DSC2: variants seen among roughly 807,000 people sequenced by gnomAD.
DSC2 encodes desmocollin 2.
DSC2 carries 51 observed loss-of-function variants against 87.6 expected under a neutral mutation model. The ratio of observed to expected loss-of-function variants is 0.58; its 90% CI spans 0.46 to 0.74. The LOEUF is 0.74. Ranked by LOEUF, DSC2 falls within the 30% of genes least tolerant of loss-of-function variation. The probability of loss-of-function intolerance (pLI) is 0.00; values close to 1 mark genes in which losing one functional copy is unlikely to be tolerated. For missense variants in DSC2, 1,066 were observed against 1,089.5 expected, an observed-to-expected ratio of 0.98 and a Z score of 0.30; for synonymous variants, 383 against 393.2, an observed-to-expected ratio of 0.97 and a Z score of 0.31.
At chr18:31,089,662 T>C (rs1598589247) in intron 4 of DSC2, 68 bp from the exon 5 acceptor site, 1 of 1,461,812 alleles carries the variant, frequency 6.8e-7, no homozygotes. Flanking sequence ...TATATATTTA[T>C]GAAATCTCAT....
At chr18:31,071,557 T>C in intron 13 of DSC2, 48 bp downstream of exon 13, 2 of 1,560,130 alleles carry the variant, frequency 1.3e-6, no homozygotes, top group Non-Finnish European at 1.8e-6. Flanking sequence ...GTCTTGAAAG[T>C]TACTTTAAAG....
intron 1 of DSC2, 101 bp from the exon 2 acceptor site, chr18:31,093,744 A>T (rs1987680519): frequency 2.4e-6 from 1 of 412,670 alleles, no homozygotes; most frequent in African/African-American, 2.2e-5. Flanking sequence ...ATATACACAT[A>T]AAAAGGCATA....
intron 7 of DSC2, among the ~76,000 whole-genome samples, chr18:31,085,814 CTA>C (rs1323594762): frequency 6.6e-6 from 1 of 151,930 alleles, no homozygotes; most frequent in African/African-American, 2.4e-5. Flanking sequence ...ACAGAAACTG[CTA>C]TAAGAATTTA....
chr18:31,059,313 A>G lies in DSC2; in HGVS notation c.*8702T>C, dbSNP rs900532949. 1 of 152,200 alleles carries G rather than the reference A, an allele frequency of 6.6e-6. No homozygotes were observed. Among genetic ancestry groups the G allele is most frequent in the African/African-American group, 2.4e-5 (1 of 41,458 alleles). The allele number at this position is 152,200 out of a possible 1,614,324, so 9.4% of individuals were successfully genotyped here. A position where few individuals can be genotyped will look rare whatever the true frequency, so the allele number is the denominator to read the frequency against. On this transcript the variant is annotated 3_prime_UTR_variant, in exon 16 of 16. Coordinates refer to ENST00000280904, the MANE Select transcript of DSC2 (RefSeq NM_024422.6). ...TGACAATTCTAGTAAATTAATACCT[A>G]TTCTTAGTCTAGATAGTGCATAACA...
chr18:31,074,433 G>C (rs1986937951), intron 12 of DSC2, among the ~76,000 whole-genome samples: 1 of 71,714 alleles, frequency 1.4e-5, no homozygotes, highest in South Asian at 5.1e-4. Context: ...GTGTGTGTGT[G>C]TGTGTGTGTG....
Position 31,068,942 on chromosome 18 carries a change from T to C in DSC2, c.2460A>G (p.Arg820=), listed in dbSNP as rs763484453. The C allele has an allele frequency of 1.2e-6, 2 of 1,614,050 alleles. No homozygotes were observed. The highest frequency in any genetic ancestry group is 1.7e-5 in the Admixed American group (1 of 60,010). The change falls in exon 15 of 16, where the codon AGA becomes AGG. Residue 820 remains arginine, a synonymous_variant. Coordinates refer to ENST00000280904, the MANE Select transcript of DSC2 (RefSeq NM_024422.6). Reference sequence around the variant, plus strand: ...AACTGTGCCACTCCGAGTAAGTGTATCTGCAGTTGTCCACCTCCGTGTGTC... The same window carrying C: ...AACTGTGCCACTCCGAGTAAGTGTACCTGCAGTTGTCCACCTCCGTGTGTC... ...RGGHTEVDNC[R]YTYSEWHSFT...
chr18:31,088,144 G>T (rs1276563130), intron 5 of DSC2, among the ~76,000 whole-genome samples: 1 of 151,968 alleles, frequency 6.6e-6, no homozygotes, highest in African/African-American at 2.4e-5. Flanking sequence ...ATTTTGCTTT[G>T]TTTGAAAGGT....
intron 3 of DSC2, chr18:31,091,705 A>G (rs1987605062): frequency 7.7e-5 from 32 of 414,908 alleles, no homozygotes; most frequent in South Asian, 5.5e-4. Flanking sequence ...ACCTCCTCCT[A>G]AAATAGTTAT....
In DSC2 at chr18:31,069,010, G is replaced by A. The variant is rs201548399; in HGVS notation, c.2392C>T (p.Arg798Trp). 47 of 1,613,856 alleles carry A rather than the reference G, an allele frequency of 2.9e-5. No homozygotes were observed. Among genetic ancestry groups the A allele is most frequent in the Admixed American group, 5.0e-5 (3 of 59,978 alleles). Residue 798 changes from arginine (R) to tryptophan (W), a missense_variant, in exon 15 of 16, where the codon CGG (arginine) becomes TGG (tryptophan). By Grantham distance (101) the Arg-to-Trp change is moderately radical. Coordinates refer to ENST00000280904, the MANE Select transcript of DSC2 (RefSeq NM_024422.6). Reference sequence around the variant, plus strand: ...AGGGTGTGATGGTGGCCAGCCCCCCGGCAGGATTCCGAGGTCTGGTGTCCT... The same window carrying A: ...AGGGTGTGATGGTGGCCAGCCCCCCAGCAGGATTCCGAGGTCTGGTGTCCT... ...KGGHQTSESC[R>W]GAGHHHTLDS... is the part of the protein sequence containing the mutation.
intron 11 of DSC2, among the ~76,000 whole-genome samples, chr18:31,077,856 A>T (rs1987074246): frequency 6.6e-6 from 1 of 152,212 alleles, no homozygotes; most frequent in Non-Finnish European, 1.5e-5. Flanking sequence ...AGAAACATTA[A>T]TCTCAAGCTC....
chr18:31,101,830 C>G (rs1164544864), intron 1 of DSC2, 73 bp downstream of exon 1: 2 of 1,460,754 alleles, frequency 1.4e-6, no homozygotes, highest in Admixed American at 4.2e-5. Flanking sequence ...CACCTATCCC[C>G]GTTCCCCTAG....
chr18:31,075,298 G>C (rs551734061), intron 11 of DSC2, among the ~76,000 whole-genome samples: 14 of 152,296 alleles, frequency 9.2e-5, no homozygotes, highest in African/African-American at 3.4e-4. Flanking sequence ...AAGGTAGACA[G>C]GTAGAAACTG....
chr18:31,063,330 C>CA lies in DSC2; in HGVS notation c.*4684dup, dbSNP rs11365224. Reference sequence around the variant, plus strand: ...TAGGTGACAGAGTGAGATTCCGTCTCAAAAAAAAAAAAAAAAAAATTAATG... The same window carrying CA: ...TAGGTGACAGAGTGAGATTCCGTCTCAAAAAAAAAAAAAAAAAAAATTAATG... On this transcript the variant is annotated 3_prime_UTR_variant, in exon 16 of 16. Transcript: ENST00000280904. The CA allele has an allele frequency of 0.049, 3,990 of 80,934 alleles. 70 individuals carry two copies. The highest frequency in any genetic ancestry group is 0.066 in the African/African-American group (1,423 of 21,502). The allele number at this position is 80,934 out of a possible 1,614,324, so 5.0% of individuals were successfully genotyped here. A position where few individuals can be genotyped will look rare whatever the true frequency, so the allele number is the denominator to read the frequency against.
rs1361771654 is a variant in DSC2, at chr18:31,086,520, T to C, written c.942+56A>G. ...TTCAAAAACACATCTACAGGAGTTA[T>C]ACAGGTACTATTGAATAGCCACGTT... On this transcript the variant is annotated intron_variant, in intron 7 of 15. Transcript: ENST00000280904. 2.5e-6 allele frequency: 4 copies of C among 1,596,008 alleles called. No individual in the cohort carries two copies. In the African/African-American group the frequency reaches 4.0e-5, roughly 16 times the overall value.
chr18:31,087,921 G>T (rs1056144662), intron 5 of DSC2, 108 bp from the exon 6 acceptor site: 1 of 1,108,178 alleles, frequency 9.0e-7, no homozygotes, highest in Admixed American at 1.9e-5. Flanking sequence ...ACTACAGTAT[G>T]AGTCTCACCA....
In DSC2 at chr18:31,083,489, T is replaced by TAAAATTGCCTGGTAATTAATC. The variant is rs557254452; in HGVS notation, c.943-450_943-430dup. Among the ~76,000 whole-genome samples the TAAAATTGCCTGGTAATTAATC allele has an allele frequency of 1.7e-3, 254 of 152,352 alleles. 2 individuals are homozygous for TAAAATTGCCTGGTAATTAATC. Among genetic ancestry groups the TAAAATTGCCTGGTAATTAATC allele is most frequent in the South Asian group, 9.1e-3 (44 of 4,830 alleles). On this transcript the variant is annotated intron_variant, in intron 7 of 15. Coordinates refer to ENST00000280904, the MANE Select transcript of DSC2 (RefSeq NM_024422.6). ...AAGAGCTATTTGCCACAAGTGCATTTAAAATTGCCTGGTAATTAATCAAAA... is the reference window on the plus strand; with the variant it reads ...AAGAGCTATTTGCCACAAGTGCATTTAAAATTGCCTGGTAATTAATCAAAATTGCCTGGTAATTAATCAAAA...
intron 9 of DSC2, among the ~76,000 whole-genome samples, chr18:31,081,000 T>C (rs895574063): frequency 6.6e-6 from 1 of 152,140 alleles, no homozygotes; most frequent in African/African-American, 2.4e-5. Context: ...ATAACAGGTA[T>C]TGATGAAGAT....
intron 7 of DSC2, 89 bp from the exon 8 acceptor site, chr18:31,083,149 T>C: frequency 7.1e-7 from 1 of 1,409,480 alleles, no homozygotes; most frequent in South Asian, 1.3e-5. Context: ...TTTTTTGCAC[T>C]AAGAATTTAA....
Position 31,101,906 on chromosome 18 carries a change from G to A in DSC2, c.66C>T (p.Leu22=), listed in dbSNP as rs1987974460. 1.2e-5 allele frequency: 19 copies of A among 1,531,594 alleles called. No homozygotes were observed. Among genetic ancestry groups the A allele is most frequent in the Non-Finnish European group, 1.6e-5 (18 of 1,144,206 alleles). 94.9% of individuals were successfully genotyped at this position (1,531,594 alleles called of 1,614,324 possible). The change falls in exon 1 of 16, where the codon CTC becomes CTT. Residue 22 remains leucine (L), a synonymous_variant. Transcript: ENST00000280904. ...CGGTGGCCGCGGCTACACTCACCGC[G>A]AGGGTCAGCAGGAGCAGCCGGCAGA... ...GALCRLLLLT[L]AILIFASDAC...
Sources: gnomAD v4.1 joint callset for allele counts (sites outside exome capture counted in the v4.1 genomes callset) on GRCh38, gnomAD v4.1.1 for gene constraint, MANE v1.5 for transcripts, NCBI Gene and HGNC (gene_info 2026-07-23, HGNC 2026-07-21) for gene names.